The following GARIN1B variants were observed in gnomAD, a reference collection of about 807,000 sequenced individuals.
GARIN1B encodes golgi associated RAB2 interactor 1B.
the GARIN1B span, chr7:128,731,151 C>T: frequency 1.3e-6 from 2 of 1,584,288 alleles, no homozygotes; most frequent in African/African-American, 1.3e-5. Flanking sequence ...ATGCAAGCCT[C>T]GTCAACACCA....
At chr7:128,730,977 A>G in the GARIN1B span, 3 of 922,548 alleles carry the variant, frequency 3.3e-6, no homozygotes, top group African/African-American at 3.3e-5. Context: ...ACCAACCCTT[A>G]TAAGATACCT....
At chr7:128,726,676 C>A in the GARIN1B span, 3 of 580,844 alleles carry the variant, frequency 5.2e-6, no homozygotes, top group Non-Finnish European at 8.5e-6. Context: ...TGCGTCACAC[C>A]CATCCAATAT....
the GARIN1B span, among the ~76,000 whole-genome samples, chr7:128,714,461 C>T: frequency 1.9e-3 from 290 of 152,078 alleles, no homozygotes; most frequent in Non-Finnish European, 3.0e-3. Flanking sequence ...GCCTGTAATC[C>T]CAGCTACTCG....
At chr7:128,713,373 T>G in the GARIN1B span, among the ~76,000 whole-genome samples, 1 of 152,276 alleles carries the variant, frequency 6.6e-6, no homozygotes, top group African/African-American at 2.4e-5. Context: ...ACTAAGTATC[T>G]GTCACATGGT....
the GARIN1B span, among the ~76,000 whole-genome samples, chr7:128,725,829 C>T: frequency 6.6e-6 from 1 of 152,232 alleles, no homozygotes; most frequent in East Asian, 1.9e-4. Flanking sequence ...AGACACTGTG[C>T]TCCCCAGGGA....
chr7:128,713,329 C>G, the GARIN1B span, among the ~76,000 whole-genome samples: 3 of 152,054 alleles, frequency 2.0e-5, no homozygotes, highest in African/African-American at 7.2e-5. Flanking sequence ...AAGAAAGAAA[C>G]AGAATGGGTG....
At chr7:128,723,190 C>T in the GARIN1B span, 8 of 1,599,422 alleles carry the variant, frequency 5.0e-6, no homozygotes, top group Admixed American at 1.7e-5. Flanking sequence ...TTTTTTTCTT[C>T]ATATAGTTAG....
the GARIN1B span, among the ~76,000 whole-genome samples, chr7:128,716,232 C>T: frequency 5.9e-5 from 9 of 152,178 alleles, no homozygotes; most frequent in East Asian, 3.9e-4. Flanking sequence ...AACAGGCACT[C>T]GGTGCACGTT....
chr7:128,714,260 A>G, the GARIN1B span: 1 of 963,584 alleles, frequency 1.0e-6, no homozygotes, highest in Non-Finnish European at 1.6e-6. Context: ...TTTGACCTTG[A>G]TGGTTAATTC....
the GARIN1B span, among the ~76,000 whole-genome samples, chr7:128,717,767 T>C: frequency 6.6e-6 from 1 of 151,468 alleles, no homozygotes; most frequent in South Asian, 2.1e-4. Flanking sequence ...TGTTTTTTTT[T>C]TTTAATCAGT....
the GARIN1B span, among the ~76,000 whole-genome samples, chr7:128,714,532 C>T: frequency 2.7e-4 from 41 of 151,798 alleles, no homozygotes; most frequent in Admixed American, 2.2e-3. Flanking sequence ...GAGCCGAGAT[C>T]GCGCACATTG....
At chr7:128,709,418 T>G in the GARIN1B span, among the ~76,000 whole-genome samples, 2 of 152,348 alleles carry the variant, frequency 1.3e-5, no homozygotes, top group African/African-American at 2.4e-5. Context: ...CTAATTTTTT[T>G]CAAAGAACCA....
chr7:128,714,231 T>A, the GARIN1B span: 1 of 1,197,102 alleles, frequency 8.4e-7, no homozygotes, highest in Non-Finnish European at 1.2e-6. Context: ...ATTGTCAAAC[T>A]CTGTCTATAT....
chr7:128,714,126 T>C, the GARIN1B span: 1 of 1,536,086 alleles, frequency 6.5e-7, no homozygotes, highest in African/African-American at 1.4e-5. Context: ...ACTGATGGAA[T>C]TGGATGGTGA....
chr7:128,726,138 T>C, the GARIN1B span, among the ~76,000 whole-genome samples: 472 of 152,302 alleles, frequency 3.1e-3, 2 homozygotes, highest in African/African-American at 0.01. Flanking sequence ...GCGAAGATAT[T>C]TAGACTTCCA....
the GARIN1B span, among the ~76,000 whole-genome samples, chr7:128,714,488 G>A: frequency 6.6e-6 from 1 of 151,958 alleles, no homozygotes; most frequent in Non-Finnish European, 1.5e-5. Context: ...TGAGGCAGGA[G>A]AATCGCTTGA....
At chr7:128,714,089 G>T in the GARIN1B span, 1 of 1,535,938 alleles carries the variant, frequency 6.5e-7, no homozygotes, top group Admixed American at 2.0e-5. Flanking sequence ...TGGAGCAGGG[G>T]TGTGATCTGA....
chr7:128,718,434 G>GAAAA, the GARIN1B span, among the ~76,000 whole-genome samples: 279 of 117,936 alleles, frequency 2.4e-3, 3 homozygotes, highest in African/African-American at 7.3e-3. Context: ...CTTTGCCTCA[G>GAAAA]AAAAAAAAAA....
At chr7:128,730,523 C>A in the GARIN1B span, among the ~76,000 whole-genome samples, 4 of 152,260 alleles carry the variant, frequency 2.6e-5, no homozygotes, top group South Asian at 8.3e-4. Context: ...ATTCGTCCAT[C>A]CACACATTCA....
Sources: allele counts gnomAD v4.1 joint callset (sites outside exome capture counted in the v4.1 genomes callset), GRCh38; gene constraint gnomAD v4.1.1; transcripts MANE v1.5; gene names NCBI Gene and HGNC (gene_info 2026-07-23, HGNC 2026-07-21).